Variants in CCDC85C observed in about 807,000 individuals in gnomAD.
The protein encoded by CCDC85C is coiled-coil domain-containing protein 85C.
CCDC85C carries 18 observed loss-of-function variants against 38.3 expected under a neutral mutation model. The observed-to-expected ratio is 0.47, with a 90% CI of 0.33 to 0.70. The LOEUF is 0.70. Among genes scored for constraint, CCDC85C ranks in the 30% least tolerant of loss-of-function variants. The pLI, the probability that CCDC85C is intolerant of heterozygous loss-of-function variation, is 0.03. For missense variants in CCDC85C, 566 were observed against 621.2 expected, an observed-to-expected ratio of 0.91 and a Z score of 0.94; for synonymous variants, 264 against 293.8, an observed-to-expected ratio of 0.90 and a Z score of 1.04.
At position 99,502,058 on chromosome 14, in the gene CCDC85C, T is replaced by G; in HGVS notation, c.*13188A>C. ...ACTTAGTCGGGTACCTTTAGAAGAG[T>G]AAAGACTTGAGTTTATTTATTTATA... is the stretch of plus-strand genomic sequence containing the variant. On this transcript the variant is annotated 3_prime_UTR_variant, in exon 6 of 6. Coordinates refer to ENST00000380243, the MANE Select transcript of CCDC85C (RefSeq NM_001144995.2). The G allele has an allele frequency of 1.2e-6, 1 of 842,270 alleles. No homozygotes were observed. 52.2% of individuals were successfully genotyped at this position (842,270 alleles called of 1,614,324 possible). A position where few individuals can be genotyped will look rare whatever the true frequency, so the allele number is the denominator to read the frequency against.
chr14:99,550,796 AC>A (rs1294192128), intron 1 of CCDC85C, among the ~76,000 whole-genome samples: 2 of 152,188 alleles, frequency 1.3e-5, no homozygotes, highest in African/African-American at 4.8e-5. Context: ...TGAGGCCTGC[AC>A]GCTGCCCTCT....
intron 1 of CCDC85C, among the ~76,000 whole-genome samples, chr14:99,580,346 CAG>C (rs1463636246): frequency 1.3e-5 from 2 of 151,270 alleles, no homozygotes; most frequent in Non-Finnish European, 2.9e-5. Flanking sequence ...GCACACCTCC[CAG>C]AGTCACCGTG....
chr14:99,503,877 A>T lies in CCDC85C; in HGVS notation c.*11369T>A. 1 of 543,766 alleles carries T rather than the reference A, an allele frequency of 1.8e-6. No homozygotes were observed. Among genetic ancestry groups the T allele is most frequent in the South Asian group, 2.3e-5 (1 of 42,982 alleles). 33.7% of individuals were successfully genotyped at this position (543,766 alleles called of 1,614,324 possible). ...AAAACATTACTGGCAATAAAAATGT[A>T]CTCAGTAACATATATAAAAGTATAA... is the stretch of plus-strand genomic sequence containing the variant. On this transcript the variant is annotated 3_prime_UTR_variant, in exon 6 of 6. Transcript: ENST00000380243.
Position 99,510,848 on chromosome 14 carries a change from A to G in CCDC85C, c.*4398T>C. The G allele has an allele frequency of 7.6e-7, 1 of 1,317,174 alleles. No homozygotes were observed. Among genetic ancestry groups the G allele is most frequent in the Non-Finnish European group, 9.9e-7 (1 of 1,013,400 alleles). 81.6% of individuals were successfully genotyped at this position (1,317,174 alleles called of 1,614,324 possible). A position where few individuals can be genotyped will look rare whatever the true frequency, so the allele number is the denominator to read the frequency against. ...TCTAATCGACTTGCAGAGTAGTTGA[A>G]GTGGGTAAGCAGCAGGGTACCTTGT... On this transcript the variant is annotated 3_prime_UTR_variant, in exon 6 of 6. Coordinates refer to ENST00000380243, the MANE Select transcript of CCDC85C (RefSeq NM_001144995.2).
chr14:99,540,145 TAA>T (rs200548735), intron 1 of CCDC85C, among the ~76,000 whole-genome samples: 6 of 123,006 alleles, frequency 4.9e-5, no homozygotes, highest in African/African-American at 1.6e-4. Context: ...AGACTGTCTT[TAA>T]AAAAAAAGGG....
chr14:99,577,660 C>T (rs1566780066), intron 1 of CCDC85C, among the ~76,000 whole-genome samples: 1 of 151,774 alleles, frequency 6.6e-6, no homozygotes, highest in Non-Finnish European at 1.5e-5. Context: ...CCATACAGCC[C>T]GTCCTGCATC....
intron 1 of CCDC85C, among the ~76,000 whole-genome samples, chr14:99,602,745 A>G (rs964891071): frequency 2.6e-5 from 4 of 152,104 alleles, no homozygotes; most frequent in African/African-American, 7.2e-5. Flanking sequence ...GGTTTGGAGG[A>G]CACCTGTTGC....
At chr14:99,537,863 TG>T (rs775707837) in intron 1 of CCDC85C, among the ~76,000 whole-genome samples, 2 of 152,164 alleles carry the variant, frequency 1.3e-5, no homozygotes, top group Non-Finnish European at 2.9e-5. Flanking sequence ...CAGGGTGTGC[TG>T]GGTCCCTCTG....
At position 99,535,388 on chromosome 14, in the gene CCDC85C, C is replaced by T. The variant is rs1391499027; in HGVS notation, c.867+627G>A. 2.6e-5 allele frequency among the ~76,000 whole-genome samples: 4 copies of T among 152,162 alleles called. No homozygotes were observed. In the East Asian group the frequency reaches 7.7e-4, roughly 29 times the overall value. On this transcript the variant is annotated intron_variant, in intron 2 of 5. Coordinates refer to ENST00000380243, the MANE Select transcript of CCDC85C (RefSeq NM_001144995.2). The surrounding 1 kb of genome is among the most constrained non-coding windows in gnomAD (Gnocchi z 5.5). ...AGCGTGACTGCCCATAGCCTCCTCT[C>T]GGCAGCCCCCACGCCTGCCCCACCT...
chr14:99,579,703 G>A (rs1428193433), intron 1 of CCDC85C, among the ~76,000 whole-genome samples: 1 of 152,190 alleles, frequency 6.6e-6, no homozygotes, highest in Non-Finnish European at 1.5e-5. Flanking sequence ...GAGGCAGCGG[G>A]AGGCAGGGGC....
intron 1 of CCDC85C, among the ~76,000 whole-genome samples, chr14:99,579,299 T>C (rs2054939544): frequency 6.6e-6 from 1 of 152,204 alleles, no homozygotes; most frequent in Admixed American, 6.5e-5. Flanking sequence ...GGCACCGTCC[T>C]GGACGCAGTG....
At position 99,504,122 on chromosome 14, in the gene CCDC85C, C is replaced by A; in HGVS notation, c.*11124G>T. ...CTTGGGTTGAGGTGCTGTCACATGTCTAGAACCCAAAGTTAGTTCATGTCA... is the reference window on the plus strand; with the variant it reads ...CTTGGGTTGAGGTGCTGTCACATGTATAGAACCCAAAGTTAGTTCATGTCA... On this transcript the variant is annotated 3_prime_UTR_variant, in exon 6 of 6. Transcript: ENST00000380243. 3.0e-6 allele frequency: 1 copy of A among 338,528 alleles called. No individual in the cohort carries two copies. The highest frequency in any genetic ancestry group is 5.9e-6 in the Non-Finnish European group (1 of 168,748). 21.0% of individuals were successfully genotyped at this position (338,528 alleles called of 1,614,324 possible).
At chr14:99,522,548 T>G in intron 2 of CCDC85C, 1 of 238,022 alleles carries the variant, frequency 4.2e-6, no homozygotes, top group South Asian at 6.3e-5. Context: ...AGAGAGTGTC[T>G]CTCCCACCCC....
At position 99,510,462 on chromosome 14, in the gene CCDC85C, C is replaced by T; in HGVS notation, c.*4784G>A. The stretch of plus-strand genomic sequence containing the variant: ...CCCACCTGCACACCTGCCCTACCAC[C>T]CCCATGTCTACCCGCCCAACCCGCC... On this transcript the variant is annotated 3_prime_UTR_variant, in exon 6 of 6. Coordinates refer to ENST00000380243, the MANE Select transcript of CCDC85C (RefSeq NM_001144995.2). The T allele has an allele frequency of 1.3e-6, 2 of 1,522,128 alleles. No individual in the cohort carries two copies. Among genetic ancestry groups the T allele is most frequent in the Non-Finnish European group, 1.8e-6 (2 of 1,130,638 alleles). The allele number at this position is 1,522,128 out of a possible 1,614,324, so 94.3% of individuals were successfully genotyped here. A position where few individuals can be genotyped will look rare whatever the true frequency, so the allele number is the denominator to read the frequency against.
chr14:99,565,747 C>A (rs1898203763), intron 1 of CCDC85C, among the ~76,000 whole-genome samples: 2 of 152,152 alleles, frequency 1.3e-5, no homozygotes, highest in South Asian at 4.1e-4. Context: ...CTGTTGGGTT[C>A]ATGGAAGAGT....
rs1464024252 is a variant in CCDC85C at position 99,504,153 on chromosome 14, G to A, written c.*11093C>T. On this transcript the variant is annotated 3_prime_UTR_variant, in exon 6 of 6. Coordinates refer to ENST00000380243, the MANE Select transcript of CCDC85C (RefSeq NM_001144995.2). Reference sequence around the variant, plus strand: ...CCCAAAGTTAGTTCATGTCAATATTGGAAATAAACAGAAGGAGTGAGCAAA... The same window carrying A: ...CCCAAAGTTAGTTCATGTCAATATTAGAAATAAACAGAAGGAGTGAGCAAA... 6 of 274,078 alleles carry A rather than the reference G, an allele frequency of 2.2e-5. No individual in the cohort carries two copies. In the East Asian group the frequency reaches 6.9e-4, roughly 32 times the overall value. The allele number at this position is 274,078 out of a possible 1,614,324, so 17.0% of individuals were successfully genotyped here. A position where few individuals can be genotyped will look rare whatever the true frequency, so the allele number is the denominator to read the frequency against.
rs373592197 is a variant in CCDC85C at position 99,533,391 on chromosome 14, A to G, written c.867+2624T>C. ...CTCCTTCAGCGACCACTCCAGCAGC[A>G]TGGCTTGACTGGGCATCATTTGGTG... On this transcript the variant is annotated intron_variant, in intron 2 of 5. Coordinates refer to ENST00000380243, the MANE Select transcript of CCDC85C (RefSeq NM_001144995.2). This position sits in a 1 kb window ranked among gnomAD's most constrained non-coding sequence, Gnocchi z 4.2. 1.2e-4 allele frequency among the ~76,000 whole-genome samples: 18 copies of G among 152,358 alleles called. No homozygotes were observed. The East Asian group carries it at 2.7e-3, about 23-fold the overall frequency.
intron 2 of CCDC85C, among the ~76,000 whole-genome samples, chr14:99,532,658 C>T (rs1190652375): frequency 6.6e-6 from 1 of 152,168 alleles, no homozygotes; most frequent in East Asian, 1.9e-4. Flanking sequence ...GCCAAGGGCC[C>T]CTCCCTCACC....
intron 1 of CCDC85C, among the ~76,000 whole-genome samples, chr14:99,591,810 C>T (rs1391647010): frequency 6.6e-6 from 1 of 151,240 alleles, no homozygotes; most frequent in Non-Finnish European, 1.5e-5. Context: ...CCTCCGCTCA[C>T]GGCAACCTCC....
Sources: gnomAD v4.1 joint callset for allele counts (sites outside exome capture counted in the v4.1 genomes callset) on GRCh38, gnomAD v4.1.1 for gene constraint, Gnocchi (gnomAD v3.1) non-coding constraint, MANE v1.5 for transcripts, NCBI Gene and HGNC (gene_info 2026-07-23, HGNC 2026-07-21) for gene names.